KCNIP4: variants seen among roughly 807,000 people sequenced by gnomAD.
KCNIP4 encodes potassium voltage-gated channel interacting protein 4.
In KCNIP4, 12 loss-of-function variants were observed where a neutral mutation model predicts 34.0. The observed-to-expected ratio is 0.35, with a 90% CI of 0.23 to 0.57. KCNIP4 has a LOEUF of 0.57. Ranked by LOEUF, KCNIP4 falls within the 20% of genes least tolerant of loss-of-function variation. The probability of loss-of-function intolerance (pLI) is 0.83; values close to 1 mark genes in which losing one functional copy is unlikely to be tolerated. For missense variants in KCNIP4, 238 were observed against 311.7 expected, an observed-to-expected ratio of 0.76 and a Z score of 1.78; for synonymous variants, 124 against 102.2, an observed-to-expected ratio of 1.21 and a Z score of -1.29.
chr4:21,348,261 T>C (rs1717660944), intron 1 of KCNIP4, among the ~76,000 whole-genome samples: 2 of 152,184 alleles, frequency 1.3e-5, no homozygotes, highest in Non-Finnish European at 2.9e-5. Flanking sequence ...TCACTAACAG[T>C]CTTCAATGAT....
At chr4:21,234,159 CGTATATTATAT>C (rs1759079061) in intron 1 of KCNIP4, among the ~76,000 whole-genome samples, 2 of 78,288 alleles carry the variant, frequency 2.6e-5, no homozygotes, top group African/African-American at 5.8e-5. Flanking sequence ...ACATATATAA[CGTATATTATAT>C]ATAACATATA....
At position 21,807,690 on chromosome 4, in the gene KCNIP4, C is replaced by T. The variant is rs371201345; in HGVS notation, c.61+140881G>A. On this transcript the variant is annotated intron_variant, in intron 1 of 8. Transcript: ENST00000382152. ...TTAGTGTCAGTGTTCCTTCATTGCC[C>T]GATTGGAATTAAAATTCTCTATTAC... 2.5e-3 allele frequency among the ~76,000 whole-genome samples: 386 copies of T among 152,130 alleles called. 6 individuals are homozygous for T. Among genetic ancestry groups the T allele is most frequent in the South Asian group, 0.019 (92 of 4,812 alleles).
chr4:20,731,483 A>G (rs1748190949), intron 8 of KCNIP4: 2 of 985,248 alleles, frequency 2.0e-6, no homozygotes, highest in Non-Finnish European at 1.2e-6. Context: ...TCTTCAGAGA[A>G]AATTTTCCAC....
At chr4:21,208,401 C>CCCCAATACCTATAAT (rs1273879139) in intron 1 of KCNIP4, among the ~76,000 whole-genome samples, 2 of 152,070 alleles carry the variant, frequency 1.3e-5, no homozygotes, top group Non-Finnish European at 2.9e-5. Context: ...ATGGTATTTG[C>CCCCAATACCTATAAT]CCCAATACCT....
rs796472844 is a variant in KCNIP4, at chr4:20,999,417, TTTTTTTTTTGTTTGTTTTTTG to T, written c.62-116729_62-116709del. 0.017 allele frequency among the ~76,000 whole-genome samples: 1,647 copies of T among 96,962 alleles called. 84 individuals carry two copies. In the East Asian group the frequency reaches 0.18, roughly 11 times the overall value. 63.6% of individuals were successfully genotyped at this position (96,962 alleles called of 152,430 possible). On this transcript the variant is annotated intron_variant, in intron 1 of 8. Coordinates refer to ENST00000382152, the MANE Select transcript of KCNIP4 (RefSeq NM_025221.6). The stretch of plus-strand genomic sequence containing the variant: ...AGAGGGTTTTTGTTGTGGTGGTGTT[TTTTTTTTTTGTTTGTTTTTTG>T]TTTTTTTTTTTTTTTTTTATCTTGA...
chr4:21,856,627 A>G (rs1724776407), intron 1 of KCNIP4, among the ~76,000 whole-genome samples: 1 of 152,144 alleles, frequency 6.6e-6, no homozygotes, highest in Non-Finnish European at 1.5e-5. Context: ...GGAAGTAGGC[A>G]GGAGCCCCAC....
intron 1 of KCNIP4, among the ~76,000 whole-genome samples, chr4:20,979,333 G>A (rs1389607517): frequency 6.6e-6 from 1 of 151,504 alleles, no homozygotes; most frequent in Non-Finnish European, 1.5e-5. Context: ...GTGGATTTTT[G>A]TCCTTCCAAT....
chr4:21,763,270 C>T (rs1306001693), intron 1 of KCNIP4, among the ~76,000 whole-genome samples: 1 of 152,088 alleles, frequency 6.6e-6, no homozygotes, highest in Non-Finnish European at 1.5e-5. Context: ...AGGCACATGC[C>T]ATCCGGTGCT....
intron 1 of KCNIP4, among the ~76,000 whole-genome samples, chr4:21,728,973 T>C (rs942818670): frequency 4.6e-5 from 7 of 152,198 alleles, no homozygotes; most frequent in Non-Finnish European, 2.9e-5. Context: ...ATATACACAC[T>C]CATGCATTCG....
chr4:21,226,175 G>T (rs1433158940), intron 1 of KCNIP4, among the ~76,000 whole-genome samples: 1 of 143,960 alleles, frequency 6.9e-6, no homozygotes, highest in African/African-American at 2.6e-5. Context: ...ATTTTGGGTG[G>T]CTGAGGCAAA....
chr4:21,471,578 C>A (rs997091241), intron 1 of KCNIP4, among the ~76,000 whole-genome samples: 1 of 152,134 alleles, frequency 6.6e-6, no homozygotes, highest in Admixed American at 6.6e-5. Flanking sequence ...AGAAAACAGG[C>A]TCTGCCAATA....
At chr4:21,356,466 A>T (rs550139783) in intron 1 of KCNIP4, among the ~76,000 whole-genome samples, 14 of 152,198 alleles carry the variant, frequency 9.2e-5, no homozygotes, top group Non-Finnish European at 1.3e-4. Context: ...ACTTCAGTAA[A>T]ATCTCAAGAT....
chr4:21,014,688 G>C (rs1287699397), intron 1 of KCNIP4, among the ~76,000 whole-genome samples: 1 of 152,174 alleles, frequency 6.6e-6, no homozygotes, highest in African/African-American at 2.4e-5. Context: ...TGGTGCAACT[G>C]CTGAGGAAAA....
chr4:20,855,696 T>C (rs574699505), intron 2 of KCNIP4, among the ~76,000 whole-genome samples: 104 of 152,178 alleles, frequency 6.8e-4, no homozygotes, highest in Non-Finnish European at 9.4e-4. Context: ...AAACAAACAC[T>C]TGGAGTGGCT....
chr4:21,913,965 AT>A (rs1728487578), intron 1 of KCNIP4, among the ~76,000 whole-genome samples: 1 of 151,858 alleles, frequency 6.6e-6, no homozygotes, highest in South Asian at 2.1e-4. Context: ...GTAGAGGAAG[AT>A]TTCAGGAACC....
intron 2 of KCNIP4, 61 bp downstream of exon 2, chr4:20,882,546 CA>C: frequency 8.8e-7 from 1 of 1,130,370 alleles, no homozygotes; most frequent in Non-Finnish European, 1.3e-6. Flanking sequence ...GCAATGCATG[CA>C]GGCCTAAAGA....
chr4:21,243,398 C>T (rs914395766), intron 1 of KCNIP4, among the ~76,000 whole-genome samples: 1 of 152,044 alleles, frequency 6.6e-6, no homozygotes, highest in African/African-American at 2.4e-5. Flanking sequence ...GTGGAAATAT[C>T]TTTGTTAATA....
intron 1 of KCNIP4, among the ~76,000 whole-genome samples, chr4:21,154,475 A>G (rs1753000132): frequency 6.6e-6 from 1 of 151,752 alleles, no homozygotes. Context: ...TTCATTGCAC[A>G]ACCCCTGTGT....
intron 1 of KCNIP4, among the ~76,000 whole-genome samples, chr4:21,931,237 T>G (rs1578156273): frequency 7.2e-4 from 1 of 1,392 alleles, no homozygotes; most frequent in African/African-American, 7.4e-4. Flanking sequence ...GAAGCTCAGC[T>G]TTTTTTTTTT....
Sources: gnomAD v4.1 joint callset for allele counts (sites outside exome capture counted in the v4.1 genomes callset) on GRCh38, gnomAD v4.1.1 for gene constraint, MANE v1.5 for transcripts, NCBI Gene and HGNC (gene_info 2026-07-23, HGNC 2026-07-21) for gene names.